Variants in AP3B1 observed in about 807,000 individuals in gnomAD.
AP3B1 encodes AP-3 complex subunit beta-1.
Under a neutral mutation model 132.5 loss-of-function variants are expected in AP3B1, and 61 were observed. That is an observed-to-expected ratio of 0.46 (90% CI 0.37 to 0.57). The LOEUF is 0.57. AP3B1 is among the 20% of genes least tolerant of loss of function. The pLI is 0.00. For synonymous variants in AP3B1, 388 were observed against 438.3 expected, an observed-to-expected ratio of 0.89 and a Z score of 1.43; for missense variants, 1,120 against 1,289.4, an observed-to-expected ratio of 0.87 and a Z score of 2.01.
At chr5:78,101,859 C>T (rs902652248) in intron 20 of AP3B1, among the ~76,000 whole-genome samples, 4 of 151,960 alleles carry the variant, frequency 2.6e-5, no homozygotes, top group Admixed American at 1.3e-4. Flanking sequence ...AAGAGTAGGG[C>T]GTTAAATATA....
At chr5:78,024,442 T>G (rs1747243750) in intron 24 of AP3B1, among the ~76,000 whole-genome samples, 1 of 151,992 alleles carries the variant, frequency 6.6e-6, no homozygotes. Flanking sequence ...CAGGCTGGAG[T>G]GCAGTGGTGT....
At chr5:78,250,890 C>T (rs2112535733) in intron 2 of AP3B1, among the ~76,000 whole-genome samples, 1 of 152,074 alleles carries the variant, frequency 6.6e-6, no homozygotes, top group South Asian at 2.1e-4. Flanking sequence ...TCTAAACTGA[C>T]TTCAATGCCA....
At chr5:78,126,504 CAAAAAAAA>C (rs70997969) in intron 17 of AP3B1, among the ~76,000 whole-genome samples, 22,234 of 62,678 alleles carry the variant, frequency 0.35, 1,957 homozygotes, top group Admixed American at 0.44. Context: ...GACTCTGTCT[CAAAAAAAA>C]AAAAAAAAAA....
intron 7 of AP3B1, among the ~76,000 whole-genome samples, chr5:78,182,649 A>C (rs764971009): frequency 6.6e-5 from 10 of 152,188 alleles, no homozygotes; most frequent in Non-Finnish European, 1.5e-4. Context: ...CTCTAGCCAA[A>C]GGACCAGGAA....
chr5:78,085,041 T>C (rs1750180245), intron 22 of AP3B1, among the ~76,000 whole-genome samples: 1 of 137,698 alleles, frequency 7.3e-6, no homozygotes. Context: ...ACCATGCACA[T>C]AAATCTGTGT....
chr5:78,218,345 A>G (rs1417732598), intron 6 of AP3B1, among the ~76,000 whole-genome samples: 2 of 152,152 alleles, frequency 1.3e-5, no homozygotes, highest in Non-Finnish European at 2.9e-5. Flanking sequence ...GTAGCTTTTC[A>G]TATCAGGGAA....
intron 17 of AP3B1, among the ~76,000 whole-genome samples, chr5:78,117,195 T>TA (rs1751885615): frequency 7.0e-6 from 1 of 142,692 alleles, no homozygotes; most frequent in African/African-American, 2.6e-5. Context: ...TTTTTTTTAA[T>TA]CACAGCATGT....
At chr5:78,143,364 CA>C (rs1753234406) in intron 14 of AP3B1, among the ~76,000 whole-genome samples, 1 of 152,078 alleles carries the variant, frequency 6.6e-6, no homozygotes, top group Non-Finnish European at 1.5e-5. Context: ...ACAATGCTCA[CA>C]ATAAAAATCT....
chr5:78,248,229 C>A (rs998557823), intron 2 of AP3B1, among the ~76,000 whole-genome samples: 2 of 152,080 alleles, frequency 1.3e-5, no homozygotes, highest in African/African-American at 4.8e-5. Flanking sequence ...CAGTGGCTCA[C>A]GCCTGTAATC....
chr5:78,030,724 T>A (rs1335599327), intron 24 of AP3B1, among the ~76,000 whole-genome samples: 2 of 152,192 alleles, frequency 1.3e-5, no homozygotes, highest in African/African-American at 2.4e-5. Context: ...TCGCCTAGGC[T>A]GGAGTGTAGT....
In AP3B1 at chr5:78,129,161, T is replaced by C; in HGVS notation, c.1797A>G (p.Leu599=). The C allele has an allele frequency of 6.2e-7, 1 of 1,613,360 alleles. No individual in the cohort carries two copies. Among genetic ancestry groups the C allele is most frequent in the South Asian group, 1.1e-5 (1 of 91,054 alleles). The change falls in exon 16 of 27, where the codon CTA becomes CTG. Residue 599 remains leucine, a synonymous_variant. Transcript: ENST00000255194. ...ALSKYAKKIF[L]AQKPAPLLES... ...CAAGCAGTGGTGCAGGCTTTTGTGC[T>C]AGGAATATTTTTTTGGCATATTTAC...
At chr5:78,278,841 C>T (rs1018979370) in intron 1 of AP3B1, among the ~76,000 whole-genome samples, 2 of 151,968 alleles carry the variant, frequency 1.3e-5, no homozygotes, top group Admixed American at 6.6e-5. Flanking sequence ...TGCAAACCCT[C>T]TTGTAAACTG....
At chr5:78,175,892 G>T in intron 9 of AP3B1, 54 bp from the exon 10 acceptor site, 2 of 1,262,882 alleles carry the variant, frequency 1.6e-6, no homozygotes, top group South Asian at 1.2e-5. Context: ...AAACATCTTT[G>T]AGTAAGCACT....
intron 19 of AP3B1, among the ~76,000 whole-genome samples, chr5:78,112,061 G>C (rs1335388062): frequency 1.3e-5 from 2 of 151,980 alleles, no homozygotes; most frequent in African/African-American, 4.8e-5. Flanking sequence ...GATTACTAAA[G>C]GGTGGTTTTT....
intron 11 of AP3B1, among the ~76,000 whole-genome samples, chr5:78,169,515 A>G (rs1046324176): frequency 1.3e-5 from 2 of 152,226 alleles, no homozygotes; most frequent in Middle Eastern, 3.4e-3. Flanking sequence ...TGCAGCCTCA[A>G]CTTTCTGGGA....
intron 3 of AP3B1, among the ~76,000 whole-genome samples, chr5:78,234,431 G>C (rs569560588): frequency 6.6e-6 from 1 of 152,056 alleles, no homozygotes; most frequent in Non-Finnish European, 1.5e-5. Flanking sequence ...TTTTAGAAGC[G>C]CTTCTCTAAC....
intron 17 of AP3B1, among the ~76,000 whole-genome samples, chr5:78,117,040 A>C (rs1000137027): frequency 6.6e-6 from 1 of 150,668 alleles, no homozygotes; most frequent in Non-Finnish European, 1.5e-5. Flanking sequence ...TGCCTCTCTC[A>C]CCTCTTGCTG....
intron 3 of AP3B1, among the ~76,000 whole-genome samples, chr5:78,234,866 G>A (rs1042619831): frequency 1.3e-5 from 2 of 152,126 alleles, no homozygotes; most frequent in African/African-American, 4.8e-5. Flanking sequence ...ATAATTCATT[G>A]AACAGCAAAG....
intron 24 of AP3B1, among the ~76,000 whole-genome samples, chr5:78,031,767 T>C (rs1425126867): frequency 6.6e-6 from 1 of 152,236 alleles, no homozygotes; most frequent in Non-Finnish European, 1.5e-5. Context: ...TCTGCTCCTA[T>C]TTGTTTTCTG....
Sources: allele counts gnomAD v4.1 joint callset (sites outside exome capture counted in the v4.1 genomes callset), GRCh38; gene constraint gnomAD v4.1.1; transcripts MANE v1.5; gene names NCBI Gene and HGNC (gene_info 2026-07-23, HGNC 2026-07-21).